The following HADHA variants were observed in gnomAD, a reference collection of about 807,000 sequenced individuals.
HADHA encodes trifunctional enzyme subunit alpha, mitochondrial.
A neutral mutation model predicts 91.3 loss-of-function variants in HADHA; 59 were observed. The ratio of observed to expected loss-of-function variants is 0.65; its 90% CI spans 0.52 to 0.80. The LOEUF (loss-of-function observed/expected upper bound fraction) is 0.80. Ranked by LOEUF, HADHA falls within the 30% of genes least tolerant of loss-of-function variation. HADHA has a pLI of 0.00. For missense variants in HADHA, 800 were observed against 927.6 expected (o/e 0.86, Z 1.79); for synonymous variants, 320 against 338.9 (o/e 0.94, Z 0.61).
At chr2:26,234,108 A>C in intron 5 of HADHA, 109 bp downstream of exon 5, 1 of 1,091,560 alleles carries the variant, frequency 9.2e-7, no homozygotes. Flanking sequence ...AACAAAGCGG[A>C]TTCTCCTCCA....
At chr2:26,204,376 G>A (rs1437737326) in intron 11 of HADHA, among the ~76,000 whole-genome samples, 180 bp from the exon 12 acceptor site, 1 of 152,128 alleles carries the variant, frequency 6.6e-6, no homozygotes, top group Non-Finnish European at 1.5e-5. Context: ...AAAGTTAAGT[G>A]CAAAAACCCA....
rs755510076 is a variant in HADHA at position 26,230,311 on chromosome 2, G to A, written c.574-17C>T. The A allele has an allele frequency of 4.1e-6, 6 of 1,479,332 alleles. No individual in the cohort carries two copies. In the African/African-American group the frequency reaches 8.3e-5, roughly 20 times the overall value. 91.6% of individuals were successfully genotyped at this position (1,479,332 alleles called of 1,614,324 possible). On this transcript the variant is annotated splice_polypyrimidine_tract_variant and intron_variant, in intron 6 of 19. Coordinates refer to ENST00000380649, the MANE Select transcript of HADHA (RefSeq NM_000182.5). ...CACACCCACCTAACAGGCAAGCAAG[G>A]ATGAGAATATAGGGGGAAAAAAATC...
chr2:26,218,805 T>A (rs1670299152), intron 7 of HADHA, among the ~76,000 whole-genome samples: 1 of 151,662 alleles, frequency 6.6e-6, no homozygotes, highest in Non-Finnish European at 1.5e-5. Flanking sequence ...GACAGGAGTT[T>A]GAGACCAGCC....
chr2:26,195,855 G>A (rs1458320107), intron 14 of HADHA, among the ~76,000 whole-genome samples: 1 of 152,182 alleles, frequency 6.6e-6, no homozygotes, highest in African/African-American at 2.4e-5. Context: ...CTCCATGGGT[G>A]GGGCCCAGAT....
At chr2:26,191,436 C>T (rs535654673) in intron 19 of HADHA, 41 bp from the exon 20 acceptor site, 25 of 1,614,054 alleles carry the variant, frequency 1.5e-5, no homozygotes, top group South Asian at 2.2e-5. Flanking sequence ...AGACGCAACA[C>T]GGGCTCCAGG....
intron 13 of HADHA, among the ~76,000 whole-genome samples, chr2:26,198,766 AG>A (rs1669750699): frequency 6.6e-6 from 1 of 152,130 alleles, no homozygotes; most frequent in South Asian, 2.1e-4. Flanking sequence ...TCAAGAGTGG[AG>A]GGTGGGCATG....
At chr2:26,193,341 C>T (rs1321260481) in intron 17 of HADHA, among the ~76,000 whole-genome samples, 1 of 142,238 alleles carries the variant, frequency 7.0e-6, no homozygotes, top group African/African-American at 2.7e-5. Context: ...GTTGCCCAGG[C>T]TGGCCTCACA....
chr2:26,202,459 G>A (rs1224654986), intron 12 of HADHA, among the ~76,000 whole-genome samples: 1 of 152,160 alleles, frequency 6.6e-6, no homozygotes, highest in East Asian at 1.9e-4. Context: ...AGGTCTTAAG[G>A]GCTGGGCATG....
At chr2:26,237,574 C>A (rs1439643048) in intron 3 of HADHA, among the ~76,000 whole-genome samples, 1 of 152,080 alleles carries the variant, frequency 6.6e-6, no homozygotes, top group Non-Finnish European at 1.5e-5. Flanking sequence ...GCTGCACTAA[C>A]CTGTGACTGT....
At chr2:26,212,530 C>A (rs375484761) in intron 10 of HADHA, 40 bp downstream of exon 10, 172 of 1,257,836 alleles carry the variant, frequency 1.4e-4, no homozygotes, top group Non-Finnish European at 2.0e-4. Context: ...TTTAGTTTTC[C>A]TTTAACTGAT....
intron 11 of HADHA, among the ~76,000 whole-genome samples, chr2:26,209,350 T>G (rs17047388): frequency 0.61 from 92,147 of 152,088 alleles, 29,575 homozygotes; most frequent in Non-Finnish European, 0.72. Context: ...TTTCCAATAC[T>G]TAGGTTGTAA....
At chr2:26,227,469 T>A (rs1198208382) in intron 7 of HADHA, among the ~76,000 whole-genome samples, 1 of 151,040 alleles carries the variant, frequency 6.6e-6, no homozygotes, top group Non-Finnish European at 1.5e-5. Context: ...CCAAAATTGT[T>A]CCACTGCACT....
intron 13 of HADHA, among the ~76,000 whole-genome samples, chr2:26,200,735 CTTT>C (rs11347603): frequency 9.4e-5 from 13 of 138,966 alleles, no homozygotes; most frequent in Non-Finnish European, 1.1e-4. Flanking sequence ...AACAAAAAGT[CTTT>C]TTTTTTTTTT....
At chr2:26,239,219 T>C (rs1424083195) in intron 1 of HADHA, 76 bp from the exon 2 acceptor site, 5 of 978,200 alleles carry the variant, frequency 5.1e-6, no homozygotes, top group Non-Finnish European at 8.3e-6. Context: ...AAAGCTGTAA[T>C]TTACAATAAT....
At chr2:26,207,522 A>G (rs915389165) in intron 11 of HADHA, among the ~76,000 whole-genome samples, 14 of 152,174 alleles carry the variant, frequency 9.2e-5, no homozygotes, top group African/African-American at 3.1e-4. Context: ...GTTGTTTAAT[A>G]TTTGTCTACA....
intron 7 of HADHA, among the ~76,000 whole-genome samples, chr2:26,217,183 A>G (rs965877606): frequency 1.2e-4 from 17 of 143,444 alleles, no homozygotes; most frequent in Non-Finnish European, 1.7e-4. Flanking sequence ...ACCCCGTCTG[A>G]AAAAAAAAAA....
At chr2:26,223,129 G>A (rs1208667589) in intron 7 of HADHA, among the ~76,000 whole-genome samples, 1 of 152,122 alleles carries the variant, frequency 6.6e-6, no homozygotes, top group African/African-American at 2.4e-5. Flanking sequence ...CTTCCACCAG[G>A]AGACACAACA....
intron 7 of HADHA, 120 bp from the exon 8 acceptor site, chr2:26,215,295 C>T (rs1670189328): frequency 1.1e-6 from 1 of 871,626 alleles, no homozygotes; most frequent in African/African-American, 1.6e-5. Context: ...AGACTGGAGA[C>T]TGGTAGGTGG....
intron 4 of HADHA, among the ~76,000 whole-genome samples, chr2:26,234,715 G>A (rs1380075928): frequency 1.3e-4 from 19 of 150,072 alleles, no homozygotes; most frequent in Admixed American, 1.3e-3. Context: ...GCAGTGAGCC[G>A]AGATCGCGCC....
Sources: gnomAD v4.1 joint callset for allele counts (sites outside exome capture counted in the v4.1 genomes callset) on GRCh38, gnomAD v4.1.1 for gene constraint, MANE v1.5 for transcripts, NCBI Gene and HGNC (gene_info 2026-07-23, HGNC 2026-07-21) for gene names.